The following PPP1R9A variants were observed in gnomAD, a reference collection of about 807,000 sequenced individuals.
PPP1R9A encodes protein phosphatase 1 regulatory subunit 9A, also known as neurabin-1.
A neutral mutation model predicts 141.9 loss-of-function variants in PPP1R9A; 59 were observed. The observed-to-expected ratio is 0.42, with a 90% CI of 0.34 to 0.52. The LOEUF (loss-of-function observed/expected upper bound fraction) is 0.52. Among genes scored for constraint, PPP1R9A ranks in the 20% least tolerant of loss-of-function variants. PPP1R9A has a pLI of 0.10. For synonymous variants in PPP1R9A, 500 were observed against 569.7 expected, an observed-to-expected ratio of 0.88 and a Z score of 1.74; for missense variants, 1,444 against 1,611.9, an observed-to-expected ratio of 0.90 and a Z score of 1.78.
intron 2 of PPP1R9A, among the ~76,000 whole-genome samples, chr7:94,970,388 T>G (rs558706641): frequency 4.1e-4 from 63 of 152,294 alleles, no homozygotes; most frequent in African/African-American, 1.5e-3. Context: ...CGGCTTCACT[T>G]GGCTAGTGGA....
intron 17 of PPP1R9A, among the ~76,000 whole-genome samples, chr7:95,285,816 A>G (rs1291593611): frequency 6.6e-6 from 1 of 152,192 alleles, no homozygotes; most frequent in African/African-American, 2.4e-5. Flanking sequence ...ATGAATTGCC[A>G]TCTGTTCCTA....
intron 2 of PPP1R9A, among the ~76,000 whole-genome samples, chr7:95,077,658 A>C (rs1228204108): frequency 3.3e-5 from 5 of 152,206 alleles, no homozygotes; most frequent in African/African-American, 1.2e-4. Flanking sequence ...ATTAATATGT[A>C]CACCTCTTGT....
chr7:95,104,444 GT>G (rs1403421151), intron 2 of PPP1R9A, among the ~76,000 whole-genome samples: 4 of 152,142 alleles, frequency 2.6e-5, no homozygotes, highest in Admixed American at 6.5e-5. Context: ...GTTAAGCAAT[GT>G]TTTTACATGA....
At chr7:95,144,410 GT>G (rs201067631) in intron 4 of PPP1R9A, among the ~76,000 whole-genome samples, 2 of 151,130 alleles carry the variant, frequency 1.3e-5, no homozygotes, top group Admixed American at 6.6e-5. Flanking sequence ...CAGACACTGG[GT>G]TTTTTTTTCC....
chr7:95,134,625 G>T (rs988152009), intron 4 of PPP1R9A, among the ~76,000 whole-genome samples: 5 of 151,986 alleles, frequency 3.3e-5, no homozygotes, highest in African/African-American at 1.2e-4. Context: ...AATAGAGATG[G>T]GGTTTCTTCA....
rs949971202 is a variant in PPP1R9A at position 95,203,741 on chromosome 7, T to G, written c.1956+11T>G. The G allele has an allele frequency of 2.0e-6, 3 of 1,524,732 alleles. No homozygotes were observed. Among genetic ancestry groups the G allele is most frequent in the Non-Finnish European group, 2.6e-6 (3 of 1,136,276 alleles). 94.5% of individuals were successfully genotyped at this position (1,524,732 alleles called of 1,614,324 possible). A position where few individuals can be genotyped will look rare whatever the true frequency, so the allele number is the denominator to read the frequency against. On this transcript the variant is annotated intron_variant, in intron 7 of 19. Transcript: ENST00000433360. ...AACTATTTTCTTAAGGTTTGTTTTT[T>G]GGTTTAAAGTAATGCTTACCTGTAC...
chr7:95,209,487 G>T (rs1791623611), intron 7 of PPP1R9A, among the ~76,000 whole-genome samples: 1 of 152,154 alleles, frequency 6.6e-6, no homozygotes, highest in South Asian at 2.1e-4. Context: ...CAGGAATCTT[G>T]CAGTAAAGAT....
chr7:95,247,585 A>T, intron 9 of PPP1R9A, 59 bp downstream of exon 9: 1 of 1,353,162 alleles, frequency 7.4e-7, no homozygotes, highest in Admixed American at 1.8e-5. Flanking sequence ...ACTATGAATA[A>T]ATCCAATCCT....
At chr7:95,056,013 A>G (rs1472953060) in intron 2 of PPP1R9A, among the ~76,000 whole-genome samples, 1 of 152,176 alleles carries the variant, frequency 6.6e-6, no homozygotes, top group Non-Finnish European at 1.5e-5. Flanking sequence ...TAACTGTTGT[A>G]TATAAATATG....
chr7:95,213,859 T>C (rs2152921577), intron 7 of PPP1R9A, among the ~76,000 whole-genome samples: 1 of 152,290 alleles, frequency 6.6e-6, no homozygotes, highest in South Asian at 2.1e-4. Context: ...CCTTCACCAC[T>C]GTGTTTAGAA....
At chr7:95,026,579 T>C (rs923017260) in intron 2 of PPP1R9A, among the ~76,000 whole-genome samples, 2 of 152,144 alleles carry the variant, frequency 1.3e-5, no homozygotes, top group Admixed American at 6.5e-5. Context: ...GAGGAGGTGG[T>C]CTAGTCTGAC....
intron 2 of PPP1R9A, among the ~76,000 whole-genome samples, chr7:95,098,875 G>T (rs1246413785): frequency 2.6e-5 from 4 of 152,040 alleles, no homozygotes; most frequent in Non-Finnish European, 1.5e-5. Context: ...GATTTTCATG[G>T]GAGAGTGTAA....
intron 5 of PPP1R9A, among the ~76,000 whole-genome samples, chr7:95,187,190 TATTACTC>T (rs1475399206): frequency 2.6e-5 from 4 of 152,020 alleles, no homozygotes; most frequent in Non-Finnish European, 5.9e-5. Context: ...ATTTCAATCT[TATTACTC>T]ATTATTGATC....
At chr7:95,176,339 AAAG>A (rs1832890149) in intron 5 of PPP1R9A, among the ~76,000 whole-genome samples, 1 of 152,130 alleles carries the variant, frequency 6.6e-6, no homozygotes, top group South Asian at 2.1e-4. Flanking sequence ...CCATGGCACA[AAAG>A]AATCTGAACA....
In PPP1R9A at chr7:95,291,897, C is replaced by T. The variant is rs1387826004; in HGVS notation, c.*1594C>T. ...GATTAAGGGAACTCCCTTGTAGCCC[C>T]ATCTTGTATTTTAATAACAGTGTGA... On this transcript the variant is annotated 3_prime_UTR_variant, in exon 20 of 20. Coordinates refer to ENST00000433360, the MANE Select transcript of PPP1R9A (RefSeq NM_001166160.2). The T allele has an allele frequency of 6.6e-6, 1 of 151,888 alleles. No individual in the cohort carries two copies. The highest frequency in any genetic ancestry group is 2.4e-5 in the African/African-American group (1 of 41,424). 9.4% of individuals were successfully genotyped at this position (151,888 alleles called of 1,614,324 possible).
At chr7:94,975,631 C>T (rs1799368797) in intron 2 of PPP1R9A, among the ~76,000 whole-genome samples, 2 of 151,740 alleles carry the variant, frequency 1.3e-5, no homozygotes, top group Admixed American at 1.3e-4. Flanking sequence ...ACAAAAATTA[C>T]TGGCTATGTT....
intron 13 of PPP1R9A, among the ~76,000 whole-genome samples, chr7:95,268,910 A>G (rs1801715509): frequency 1.3e-5 from 2 of 152,162 alleles, no homozygotes; most frequent in Admixed American, 6.6e-5. Context: ...GAACTAACCA[A>G]GAGCATTATC....
At chr7:95,073,627 T>A (rs915899690) in intron 2 of PPP1R9A, among the ~76,000 whole-genome samples, 1 of 109,930 alleles carries the variant, frequency 9.1e-6, no homozygotes, top group Admixed American at 9.1e-5. Flanking sequence ...GAAATAAGTT[T>A]TTTTTTTTTT....
intron 2 of PPP1R9A, among the ~76,000 whole-genome samples, chr7:95,007,439 A>G (rs1803779008): frequency 6.6e-6 from 1 of 152,174 alleles, no homozygotes; most frequent in Non-Finnish European, 1.5e-5. Flanking sequence ...GGAGGGCAAA[A>G]TCTGCGGTTG....
Sources: gnomAD v4.1 joint callset for allele counts (sites outside exome capture counted in the v4.1 genomes callset) on GRCh38, gnomAD v4.1.1 for gene constraint, MANE v1.5 for transcripts, NCBI Gene and HGNC (gene_info 2026-07-23, HGNC 2026-07-21) for gene names.